The following AGMO variants were observed in gnomAD, a reference collection of about 807,000 sequenced individuals.
AGMO encodes glyceryl-ether monooxygenase.
In AGMO, 75 loss-of-function variants were observed where a neutral mutation model predicts 60.2. That is an observed-to-expected ratio of 1.25 (90% CI 1.03 to 1.51). AGMO has a LOEUF of 1.51. Ranked by LOEUF, AGMO falls within the 40% of genes most tolerant of loss-of-function variation. The pLI is 0.00. For synonymous variants in AGMO, 261 were observed against 177.1 expected (o/e 1.47, Z -3.76); for missense variants, 763 against 525.5 (o/e 1.45, Z -4.42).
intron 3 of AGMO, among the ~76,000 whole-genome samples, chr7:15,507,544 A>G (rs1783549311): frequency 6.6e-6 from 1 of 152,104 alleles, no homozygotes; most frequent in African/African-American, 2.4e-5. Context: ...TCAACAAATA[A>G]ATTACAAGGA....
At chr7:15,121,154 T>C in the AGMO span, among the ~76,000 whole-genome samples, 2 of 152,164 alleles carry the variant, frequency 1.3e-5, no homozygotes, top group African/African-American at 4.8e-5. Context: ...CACAAATTCA[T>C]TCTTTTTTAT....
chr7:15,330,515 A>G (rs1338259270), intron 12 of AGMO, among the ~76,000 whole-genome samples: 1 of 152,064 alleles, frequency 6.6e-6, no homozygotes, highest in Non-Finnish European at 1.5e-5. Context: ...TCATTTTTGG[A>G]TTTGTGTTAC....
chr7:15,395,810 A>G (rs35127386), intron 5 of AGMO, among the ~76,000 whole-genome samples: 1 of 152,048 alleles, frequency 6.6e-6, no homozygotes, highest in East Asian at 1.9e-4. Flanking sequence ...TATCTCTAAT[A>G]CAAAACTCTT....
At chr7:15,531,062 G>GTATATATTCTA (rs2128541910) in intron 3 of AGMO, among the ~76,000 whole-genome samples, 1 of 15,512 alleles carries the variant, frequency 6.4e-5, no homozygotes, top group Non-Finnish European at 1.1e-4. Flanking sequence ...TATATATTCT[G>GTATATATTCTA]TATATATTCT....
Position 15,446,129 on chromosome 7 carries a change from G to T in AGMO, c.410-15021C>A, listed in dbSNP as rs891228965. On this transcript the variant is annotated intron_variant, in intron 3 of 12. Transcript: ENST00000342526. ...TTAAAAGATCATGAAGCAAAATATTGTCAAAGCCTAAGGCCCATGTAGAAC... is the reference window on the plus strand; with the variant it reads ...TTAAAAGATCATGAAGCAAAATATTTTCAAAGCCTAAGGCCCATGTAGAAC... Among the ~76,000 whole-genome samples, 3 of 152,284 alleles carry T rather than the reference G, an allele frequency of 2.0e-5. No homozygotes were observed. The East Asian group carries it at 5.8e-4, about 29-fold the overall frequency.
At chr7:15,310,760 A>G (rs1780746480) in intron 12 of AGMO, among the ~76,000 whole-genome samples, 1 of 152,184 alleles carries the variant, frequency 6.6e-6, no homozygotes, top group East Asian at 1.9e-4. Flanking sequence ...ACAGTTCTGG[A>G]GGTCAGAAGT....
At chr7:15,218,323 G>A (rs995001961) in intron 12 of AGMO, among the ~76,000 whole-genome samples, 1 of 116,200 alleles carries the variant, frequency 8.6e-6, no homozygotes, top group Admixed American at 1.0e-4. Flanking sequence ...ACTATGGTGT[G>A]TGTATGTGTG....
At chr7:15,378,555 T>TA in intron 10 of AGMO, among the ~76,000 whole-genome samples, 1 of 152,046 alleles carries the variant, frequency 6.6e-6, no homozygotes, top group East Asian at 1.9e-4. Flanking sequence ...AGCAAGTTCT[T>TA]AGAGATCTTC....
At chr7:15,161,614 A>T in the AGMO span, among the ~76,000 whole-genome samples, 2 of 139,410 alleles carry the variant, frequency 1.4e-5, no homozygotes, top group Non-Finnish European at 3.2e-5. Flanking sequence ...TCTATAATCC[A>T]TATATATCCC....
chr7:15,518,180 A>G (rs936316570), intron 3 of AGMO, among the ~76,000 whole-genome samples: 1 of 152,160 alleles, frequency 6.6e-6, no homozygotes, highest in Non-Finnish European at 1.5e-5. Flanking sequence ...CACTTACTAC[A>G]TAGATAAAAC....
intron 3 of AGMO, among the ~76,000 whole-genome samples, chr7:15,520,869 T>A (rs1190361788): frequency 1.3e-5 from 2 of 152,002 alleles, no homozygotes; most frequent in Non-Finnish European, 2.9e-5. Context: ...CTGAAGGATA[T>A]AAAGACATGA....
chr7:15,256,174 G>T lies in AGMO; in HGVS notation c.1264-54815C>A, dbSNP rs531599461. ...GAATCTTTGATATATCCAAGGAAAC[G>T]AGAGTGTTCAGGTAGGAAAAAGGAC... On this transcript the variant is annotated intron_variant, in intron 12 of 12. Coordinates refer to ENST00000342526, the MANE Select transcript of AGMO (RefSeq NM_001004320.2). Among the ~76,000 whole-genome samples, 9 of 152,274 alleles carry T rather than the reference G, an allele frequency of 5.9e-5. No individual in the cohort carries two copies. The South Asian group carries it at 1.9e-3, about 32-fold the overall frequency.
rs1781682359 is a variant in AGMO at position 15,445,727 on chromosome 7, TA to T, written c.410-14620del. Among the ~76,000 whole-genome samples the T allele has an allele frequency of 2.0e-5, 3 of 152,306 alleles. No homozygotes were observed. The South Asian group carries it at 6.2e-4, about 32-fold the overall frequency. On this transcript the variant is annotated intron_variant, in intron 3 of 12. Transcript: ENST00000342526. ...CTACACCAAATGTCCCAGACATTTT[TA>T]AGTTCCCAAATAGAGAAGAAAGAAA...
At chr7:15,427,426 A>T (rs1255342592) in intron 4 of AGMO, among the ~76,000 whole-genome samples, 2 of 152,178 alleles carry the variant, frequency 1.3e-5, no homozygotes, top group African/African-American at 4.8e-5. Flanking sequence ...CCACAGGTAC[A>T]TTAGTATTAA....
chr7:15,232,828 A>AC lies in AGMO; in HGVS notation c.1264-31470_1264-31469insG, dbSNP rs1385058870. Among the ~76,000 whole-genome samples, 10 of 93,900 alleles carry AC rather than the reference A, an allele frequency of 1.1e-4. No homozygotes were observed. In the South Asian group the frequency reaches 1.9e-3, roughly 18 times the overall value. 61.6% of individuals were successfully genotyped at this position (93,900 alleles called of 152,430 possible). On this transcript the variant is annotated intron_variant, in intron 12 of 12. Coordinates refer to ENST00000342526, the MANE Select transcript of AGMO (RefSeq NM_001004320.2). ...ACACACACACACACACACACACACA[A>AC]AAACTAAAGAAAAAACTCCATCTGG...
intron 12 of AGMO, among the ~76,000 whole-genome samples, chr7:15,258,039 C>T (rs1351531454): frequency 1.3e-5 from 2 of 152,116 alleles, no homozygotes; most frequent in Non-Finnish European, 1.5e-5. Context: ...CATGATTCTC[C>T]ATTCTTCATT....
downstream of AGMO, among the ~76,000 whole-genome samples, chr7:15,198,994 A>G (rs1781204367): frequency 6.6e-6 from 1 of 152,142 alleles, no homozygotes; most frequent in South Asian, 2.1e-4. Context: ...CCCAGGCAAG[A>G]AGGGGGTTTG....
intron 3 of AGMO, among the ~76,000 whole-genome samples, chr7:15,512,686 T>G (rs1029515689): frequency 1.3e-5 from 2 of 152,242 alleles, no homozygotes; most frequent in Non-Finnish European, 2.9e-5. Context: ...CTATATGGAT[T>G]GGTATTCTCA....
At chr7:15,140,630 T>C in the AGMO span, among the ~76,000 whole-genome samples, 1 of 152,136 alleles carries the variant, frequency 6.6e-6, no homozygotes. Flanking sequence ...TATTTTCTAG[T>C]TCATCGGTTC....
Sources: allele counts gnomAD v4.1 joint callset (sites outside exome capture counted in the v4.1 genomes callset), GRCh38; gene constraint gnomAD v4.1.1; transcripts MANE v1.5; gene names NCBI Gene and HGNC (gene_info 2026-07-23, HGNC 2026-07-21).